LARP1B: variants seen among roughly 807,000 people sequenced by gnomAD.
LARP1B encodes the protein la-related protein 1B.
A neutral mutation model predicts 114.2 loss-of-function variants in LARP1B; 76 were observed. That is an observed-to-expected ratio of 0.67 (90% CI 0.55 to 0.81). The LOEUF is 0.81. Ranked by LOEUF, LARP1B falls within the 30% of genes least tolerant of loss-of-function variation. The probability of loss-of-function intolerance (pLI) is 0.00; values close to 1 mark genes in which losing one functional copy is unlikely to be tolerated. For missense variants in LARP1B, 1,014 were observed against 1,075.8 expected (o/e 0.94, Z 0.80); for synonymous variants, 345 against 348.0 (o/e 0.99, Z 0.10).
chr4:128,206,056 C>T (rs565232796), intron 17 of LARP1B, among the ~76,000 whole-genome samples: 21 of 152,190 alleles, frequency 1.4e-4, no homozygotes, highest in East Asian at 5.8e-4. Context: ...TTTGGGAGGC[C>T]GAGGCAGATG....
At position 128,200,532 on chromosome 4, in the gene LARP1B, T is replaced by G. The variant is rs528821447; in HGVS notation, c.2176T>G (p.Leu726Val). 2.0e-5 allele frequency: 29 copies of G among 1,485,368 alleles called. No homozygotes were observed. Among genetic ancestry groups the G allele is most frequent in the Non-Finnish European group, 2.4e-5 (27 of 1,116,676 alleles). 92.0% of individuals were successfully genotyped at this position (1,485,368 alleles called of 1,614,324 possible). A position where few individuals can be genotyped will look rare whatever the true frequency, so the allele number is the denominator to read the frequency against. The part of the protein sequence containing the change: ...RRRCLSERKR[L>V]GIGQSQEMNT... ...TTAACTTTTTTCAGAGAGAAAACGC[T>G]TGGGAATTGGTCAGTCCCAAGAAAT... The change falls in exon 17 of 20, where the codon TTG becomes GTG. Residue 726 changes from leucine (L) to valine (V), a missense_variant. Physicochemically the swap from Leu to Val is conservative, Grantham distance 32 (BLOSUM62 1). Coordinates refer to ENST00000326639, the MANE Select transcript of LARP1B (RefSeq NM_018078.4).
At chr4:128,115,838 T>C (rs889728912) in intron 10 of LARP1B, among the ~76,000 whole-genome samples, 2 of 152,162 alleles carry the variant, frequency 1.3e-5, no homozygotes, top group Admixed American at 1.3e-4. Context: ...TGTGTGTTTC[T>C]GGTAGAGACG....
chr4:128,208,349 G>T (rs1171874501), intron 19 of LARP1B, among the ~76,000 whole-genome samples: 3 of 150,992 alleles, frequency 2.0e-5, no homozygotes, highest in Non-Finnish European at 3.0e-5. Context: ...AAAAAGGGAA[G>T]AAGAAAAATT....
Position 128,159,914 on chromosome 4 carries a change from G to A in LARP1B, c.1525-2280G>A, listed in dbSNP as rs187212085. On this transcript the variant is annotated intron_variant, in intron 11 of 19. Coordinates refer to ENST00000326639, the MANE Select transcript of LARP1B (RefSeq NM_018078.4). Reference sequence around the variant, plus strand: ...CCCCAAAAGAAGTTTTTGTAAAAACGTATTTATAGGAATTTGTTTGTAATA... The same window carrying A: ...CCCCAAAAGAAGTTTTTGTAAAAACATATTTATAGGAATTTGTTTGTAATA... 7.2e-5 allele frequency among the ~76,000 whole-genome samples: 11 copies of A among 152,242 alleles called. 1 individual carries two copies. Among genetic ancestry groups the A allele is most frequent in the Admixed American group, 6.5e-4 (10 of 15,288 alleles).
chr4:128,102,169 C>T (rs1325060144), intron 8 of LARP1B, among the ~76,000 whole-genome samples: 1 of 152,138 alleles, frequency 6.6e-6, no homozygotes, highest in African/African-American at 2.4e-5. Flanking sequence ...TCATTATGCA[C>T]CTACCATTTG....
chr4:128,216,863 T>C (rs972273078), downstream of LARP1B, among the ~76,000 whole-genome samples: 16 of 152,182 alleles, frequency 1.1e-4, no homozygotes, highest in Middle Eastern at 3.2e-3. Context: ...GGAGCTGGTT[T>C]TTTGAAAGGA....
chr4:128,100,154 A>G (rs1052505842), intron 8 of LARP1B, among the ~76,000 whole-genome samples: 20 of 151,638 alleles, frequency 1.3e-4, no homozygotes, highest in African/African-American at 4.6e-4. Flanking sequence ...TAGAGACGAG[A>G]TTTCACCATG....
At chr4:128,109,371 G>A (rs1425138150) in intron 9 of LARP1B, among the ~76,000 whole-genome samples, 1 of 152,002 alleles carries the variant, frequency 6.6e-6, no homozygotes, top group Non-Finnish European at 1.5e-5. Flanking sequence ...GGATTTGTAT[G>A]GTAAAATATT....
chr4:128,104,825 T>C (rs1781512393), intron 8 of LARP1B, among the ~76,000 whole-genome samples: 1 of 152,176 alleles, frequency 6.6e-6, no homozygotes, highest in Non-Finnish European at 1.5e-5. Flanking sequence ...ACTGTGAACG[T>C]TGTCATAGAT....
At chr4:128,069,219 G>A (rs1764241095) in intron 1 of LARP1B, 14 of 1,065,842 alleles carry the variant, frequency 1.3e-5, no homozygotes, top group Non-Finnish European at 2.9e-6. Context: ...TTTATGGAAT[G>A]GATCAATGAG....
At chr4:128,191,698 T>C (rs1165661795) in intron 15 of LARP1B, among the ~76,000 whole-genome samples, 1 of 152,134 alleles carries the variant, frequency 6.6e-6, no homozygotes, top group Non-Finnish European at 1.5e-5. Context: ...AGAGGAGAAT[T>C]TCAGGGCTAG....
Position 128,209,715 on chromosome 4 carries a change from T to G in LARP1B, c.2548-141T>G, listed in dbSNP as rs1758596665. 3.0e-5 allele frequency: 17 copies of G among 575,036 alleles called. No individual in the cohort carries two copies. In the South Asian group the frequency reaches 3.6e-4, roughly 12 times the overall value. 35.6% of individuals were successfully genotyped at this position (575,036 alleles called of 1,614,324 possible). A position where few individuals can be genotyped will look rare whatever the true frequency, so the allele number is the denominator to read the frequency against. On this transcript the variant is annotated intron_variant, in intron 19 of 19. Transcript: ENST00000326639. ...TCCAGCCTGGGTGACAGAATGAGAC[T>G]CCATCAAAAAAAAAAAAAAAAAAAA...
chr4:128,180,249 G>C (rs1202015231), intron 15 of LARP1B, among the ~76,000 whole-genome samples: 1 of 152,012 alleles, frequency 6.6e-6, no homozygotes, highest in Non-Finnish European at 1.5e-5. Flanking sequence ...ACCTCACCCA[G>C]CCTGTGTTTC....
At chr4:128,067,620 G>A (rs1763504138) in intron 1 of LARP1B, among the ~76,000 whole-genome samples, 1 of 152,016 alleles carries the variant, frequency 6.6e-6, no homozygotes, top group South Asian at 2.1e-4. Context: ...CCACCCAAGA[G>A]GCCTTTTATC....
At chr4:128,090,304 C>G (rs1368217371) in intron 5 of LARP1B, among the ~76,000 whole-genome samples, 3 of 152,152 alleles carry the variant, frequency 2.0e-5, no homozygotes, top group Non-Finnish European at 4.4e-5. Context: ...AGCTTCTGAC[C>G]TCAGTTGATC....
At chr4:128,140,571 GGT>G (rs1727554363) in intron 11 of LARP1B, among the ~76,000 whole-genome samples, 1 of 152,132 alleles carries the variant, frequency 6.6e-6, no homozygotes, top group Non-Finnish European at 1.5e-5. Flanking sequence ...GCTGGGGGGA[GGT>G]GTAGGATCCT....
At position 128,209,856 on chromosome 4, in the gene LARP1B, C is replaced by T. The variant is rs1166262237; in HGVS notation, c.2548C>T (p.Pro850Ser). The T allele has an allele frequency of 6.2e-7, 1 of 1,611,446 alleles. No individual in the cohort carries two copies. The change falls in exon 20 of 20, where the codon CCC becomes TCC. Residue 850 changes from proline to serine, a missense_variant and splice_region_variant. Pro to Ser is a moderately conservative substitution (Grantham distance 74). Coordinates refer to ENST00000326639, the MANE Select transcript of LARP1B (RefSeq NM_018078.4). ...FKRLEDFRVD[P>S]PISDEFGRKR... is the part of the protein sequence containing the mutation. ...CGGTGTTGCCTTTCATCATTTGCAG[C>T]CCCCTATTAGTGATGAATTTGGAAG...
intron 19 of LARP1B, among the ~76,000 whole-genome samples, chr4:128,208,250 C>T (rs1758103905): frequency 6.6e-6 from 1 of 151,152 alleles, no homozygotes; most frequent in South Asian, 2.1e-4. Context: ...ATTGCTTGAA[C>T]CTGGGAGGTG....
chr4:128,199,174 C>T (rs1755156762), intron 15 of LARP1B, among the ~76,000 whole-genome samples: 1 of 152,156 alleles, frequency 6.6e-6, no homozygotes, highest in South Asian at 2.1e-4. Context: ...GAGGAATGAG[C>T]TATTCAGTTA....
Sources: allele counts gnomAD v4.1 joint callset (sites outside exome capture counted in the v4.1 genomes callset), GRCh38; gene constraint gnomAD v4.1.1; transcripts MANE v1.5; gene names NCBI Gene and HGNC (gene_info 2026-07-23, HGNC 2026-07-21).